Variants in FBN3 observed in about 807,000 individuals in gnomAD.
FBN3 encodes the protein fibrillin 3.
FBN3 carries 234 observed loss-of-function variants against 330.1 expected under a neutral mutation model. The ratio of observed to expected loss-of-function variants is 0.71; its 90% CI spans 0.64 to 0.79. FBN3 has a LOEUF of 0.79. Ranked by LOEUF, FBN3 falls within the 30% of genes least tolerant of loss-of-function variation. The pLI, the probability that FBN3 is intolerant of heterozygous loss-of-function variation, is 0.00. For synonymous variants in FBN3, 1,458 were observed against 1,517.3 expected (o/e 0.96, Z 0.91); for missense variants, 3,606 against 3,886.9 (o/e 0.93, Z 1.92).
intron 38 of FBN3, 86 bp downstream of exon 38, chr19:8,106,022 C>T: frequency 6.5e-7 from 1 of 1,542,520 alleles, no homozygotes; most frequent in Non-Finnish European, 8.9e-7. Flanking sequence ...GGCCTTCCCT[C>T]CTCTACCCTT....
intron 55 of FBN3, 102 bp downstream of exon 55, chr19:8,086,098 G>A (rs2081946308): frequency 1.4e-6 from 1 of 736,198 alleles, no homozygotes; most frequent in East Asian, 3.9e-5. Context: ...GACAGGGAGT[G>A]AAGGGGGCAG....
chr19:8,104,959 CTTT>C (rs2082407048), intron 38 of FBN3, among the ~76,000 whole-genome samples: 1 of 146,396 alleles, frequency 6.8e-6, no homozygotes, highest in African/African-American at 2.6e-5. Context: ...CTCTTTCTTT[CTTT>C]TATTTTTTTT....
At chr19:8,137,879 C>A (rs1286807066) in intron 10 of FBN3, among the ~76,000 whole-genome samples, 2 of 152,120 alleles carry the variant, frequency 1.3e-5, no homozygotes, top group East Asian at 3.9e-4. Context: ...CCTTCCACCT[C>A]GGCCTCCCAA....
chr19:8,125,876 C>T lies in FBN3; in HGVS notation c.2731+16G>A, dbSNP rs750674543. 3.8e-6 allele frequency: 6 copies of T among 1,599,106 alleles called. No individual in the cohort carries two copies. The Admixed American group carries it at 9.0e-5, about 24-fold the overall frequency. On this transcript the variant is annotated intron_variant, in intron 22 of 63. Transcript: ENST00000600128. ...AAGAACGTGTGGCCCTGTATGCGGA[C>T]CTCGCCTGGACTCACCCACGCACAG...
chr19:8,085,283 G>T, intron 56 of FBN3, 80 bp downstream of exon 56: 1 of 1,175,254 alleles, frequency 8.5e-7, no homozygotes. Context: ...TCCAGCACCT[G>T]CTGCAGTACA....
At chr19:8,072,969 GTGTGT>G in intron 62 of FBN3, 89 bp downstream of exon 62, 1 of 295,042 alleles carries the variant, frequency 3.4e-6, no homozygotes, top group Non-Finnish European at 5.8e-6. Context: ...AAAGCCCCGT[GTGTGT>G]GTGTGTGTGT....
chr19:8,133,661 C>A (rs1389641269), intron 13 of FBN3, among the ~76,000 whole-genome samples: 6 of 151,814 alleles, frequency 4.0e-5, no homozygotes, highest in Non-Finnish European at 7.4e-5. Flanking sequence ...ACCATGTTGG[C>A]CAGGCTAGTC....
At chr19:8,114,275 A>G (rs2082659249) in intron 30 of FBN3, among the ~76,000 whole-genome samples, 2 of 152,188 alleles carry the variant, frequency 1.3e-5, no homozygotes, top group South Asian at 4.2e-4. Context: ...TTTGAGATGG[A>G]GTCTTGCTCT....
chr19:8,135,715 G>A (rs1243203875), intron 13 of FBN3, among the ~76,000 whole-genome samples: 1 of 152,138 alleles, frequency 6.6e-6, no homozygotes, highest in Non-Finnish European at 1.5e-5. Context: ...AAGGCACCAA[G>A]ACTGGCTCCA....
At chr19:8,128,395 C>A (rs971204514) in intron 18 of FBN3, among the ~76,000 whole-genome samples, 2 of 152,160 alleles carry the variant, frequency 1.3e-5, no homozygotes, top group South Asian at 2.1e-4. Flanking sequence ...GAAACCCTGT[C>A]TCTACTAAAA....
chr19:8,134,988 A>T (rs116835305), intron 13 of FBN3, among the ~76,000 whole-genome samples: 22,661 of 148,282 alleles, frequency 0.15, 1,832 homozygotes, highest in South Asian at 0.33. Context: ...ATATATATAT[A>T]TATTTTTTGA....
chr19:8,146,300 TGG>T, intron 3 of FBN3, 75 bp from the exon 4 acceptor site: 1 of 1,254,460 alleles, frequency 8.0e-7, no homozygotes, highest in Non-Finnish European at 1.1e-6. Context: ...GTGTCCGGGC[TGG>T]CCGGAACACC....
chr19:8,123,809 G>GA lies in FBN3; in HGVS notation c.2930dup (p.Leu978ProfsTer8), dbSNP rs2082912310. 1 of 1,613,424 alleles carries GA rather than the reference G, an allele frequency of 6.2e-7. No homozygotes were observed. Among genetic ancestry groups the GA allele is most frequent in the Non-Finnish European group, 8.5e-7 (1 of 1,179,950 alleles). On this transcript the variant is annotated frameshift_variant, in exon 23 of 64. Transcript: ENST00000600128. LOFTEE classifies it high-confidence loss of function. The stretch of plus-strand genomic sequence containing the variant: ...CTTTATAGAATGGTCGGCCAGACAG[G>GA]AAGTCCCGGCTGGCGAAGCCCAGCC...
Position 8,136,281 on chromosome 19 carries a change from G to T in FBN3, c.1374C>A (p.Cys458Ter). Residue 458 changes from cysteine (C) to a stop codon, truncating the protein, a stop_gained, in exon 12 of 64, where the codon TGC becomes TGA. Coordinates refer to ENST00000600128, the MANE Select transcript of FBN3 (RefSeq NM_032447.5). LOFTEE classifies it high-confidence loss of function. ...GGATGTTGACGCAGTCACCGTGGTG[G>T]CAGGGGCTGCTGGTGCATTCGTCTA... The part of the protein sequence containing the change: ...IDVDECTSSP[C>*]HHGDCVNIPG... 6.2e-7 allele frequency: 1 copy of T among 1,603,666 alleles called. No individual in the cohort carries two copies.
rs145034645 is a variant in FBN3 at position 8,073,117 on chromosome 19, G to A, written c.7883C>T (p.Thr2628Met). The A allele has an allele frequency of 5.1e-5, 82 of 1,613,636 alleles. No individual in the cohort carries two copies. The highest frequency in any genetic ancestry group is 6.1e-5 in the Non-Finnish European group (72 of 1,179,884). ...RGPCSYSCAN[T>M]PGGFLCGCPQ... ...ACAGCCGCACAGGAAGCCACCAGGC[G>A]TGTTGGCACAGCTGTAGCTACAGGG... The change falls in exon 62 of 64, where the codon ACG becomes ATG. Residue 2628 changes from threonine (T) to methionine (M), a missense_variant. Transcript: ENST00000600128.
rs140397273 is a variant in FBN3, at chr19:8,073,070, C to T, written c.7930G>A (p.Gly2644Arg). The change falls in exon 62 of 64, where the codon GGG becomes AGG. Residue 2644 changes from glycine (G) to arginine (R), a missense_variant. By Grantham distance (125) the Gly-to-Arg change is moderately radical. Coordinates refer to ENST00000600128, the MANE Select transcript of FBN3 (RefSeq NM_032447.5). ...CGCPQGYFRA[G>R]QGHCVSGLGF... ...CCCACTCCAGCCTCTCACCCTTGCCCAGCCCGGAAGTAGCCTTGAGGACAG... is the reference window on the plus strand; with the variant it reads ...CCCACTCCAGCCTCTCACCCTTGCCTAGCCCGGAAGTAGCCTTGAGGACAG... The T allele has an allele frequency of 5.6e-6, 9 of 1,607,232 alleles. No homozygotes were observed. Among genetic ancestry groups the T allele is most frequent in the African/African-American group, 1.3e-5 (1 of 74,756 alleles).
chr19:8,106,297 C>A lies in FBN3; in HGVS notation c.4688-64G>T. On this transcript the variant is annotated intron_variant, in intron 37 of 63. Transcript: ENST00000600128. ...CCATGCAGAGGACTTAAGGGGCACCCACACCATGCTCTGGGTTCTCCAGGG... is the reference window on the plus strand; with the variant it reads ...CCATGCAGAGGACTTAAGGGGCACCAACACCATGCTCTGGGTTCTCCAGGG... 3 of 1,589,570 alleles carry A rather than the reference C, an allele frequency of 1.9e-6. No individual in the cohort carries two copies. The South Asian group carries it at 3.3e-5, about 18-fold the overall frequency.
In FBN3 at chr19:8,065,731, G is replaced by T. The variant is rs1301903986; in HGVS notation, c.*188C>A. ...TGTCTCCAGGAAAGACTGAGTAACT[G>T]GGGGGCCCCCGGGGCTGGCACAGAG... is the stretch of plus-strand genomic sequence containing the variant. On this transcript the variant is annotated 3_prime_UTR_variant, in exon 64 of 64. Coordinates refer to ENST00000600128, the MANE Select transcript of FBN3 (RefSeq NM_032447.5). 2 of 577,746 alleles carry T rather than the reference G, an allele frequency of 3.5e-6. No individual in the cohort carries two copies. Among genetic ancestry groups the T allele is most frequent in the East Asian group, 2.9e-5 (1 of 34,128 alleles). 35.8% of individuals were successfully genotyped at this position (577,746 alleles called of 1,614,324 possible). A position where few individuals can be genotyped will look rare whatever the true frequency, so the allele number is the denominator to read the frequency against.
At chr19:8,081,685 C>T (rs772781500) in intron 57 of FBN3, among the ~76,000 whole-genome samples, 1 of 152,294 alleles carries the variant, frequency 6.6e-6, no homozygotes, top group Middle Eastern at 3.4e-3. Flanking sequence ...CTCCATGTGG[C>T]CTTTGTACTA....
Sources: gnomAD v4.1 joint callset for allele counts (sites outside exome capture counted in the v4.1 genomes callset) on GRCh38, gnomAD v4.1.1 for gene constraint, MANE v1.5 for transcripts, NCBI Gene and HGNC (gene_info 2026-07-23, HGNC 2026-07-21) for gene names.